The following KIF3B variants were observed in gnomAD, a reference collection of about 807,000 sequenced individuals.
The protein encoded by KIF3B is kinesin-like protein KIF3B.
In KIF3B, 38 loss-of-function variants were observed where a neutral mutation model predicts 74.3. The ratio of observed to expected loss-of-function variants is 0.51; its 90% CI spans 0.39 to 0.67. KIF3B has a LOEUF of 0.67. Ranked by LOEUF, KIF3B falls within the 30% of genes least tolerant of loss-of-function variation. The probability of loss-of-function intolerance (pLI) is 0.00; values close to 1 mark genes in which losing one functional copy is unlikely to be tolerated. For missense variants in KIF3B, 649 were observed against 932.0 expected (o/e 0.70, Z 3.95); for synonymous variants, 326 against 342.5 (o/e 0.95, Z 0.53).
At chr20:32,292,702 A>G (rs2047698767) in intron 1 of KIF3B, among the ~76,000 whole-genome samples, 1 of 152,058 alleles carries the variant, frequency 6.6e-6, no homozygotes, top group African/African-American at 2.4e-5. Flanking sequence ...GGCTGCAGTA[A>G]GCTGAGATTC....
intron 1 of KIF3B, among the ~76,000 whole-genome samples, chr20:32,301,509 T>C (rs2047744010): frequency 6.6e-6 from 1 of 152,114 alleles, no homozygotes; most frequent in Non-Finnish European, 1.5e-5. Flanking sequence ...CCCGAGTAGC[T>C]GGGATTACAG....
chr20:32,285,099 C>T (rs75986864), intron 1 of KIF3B, among the ~76,000 whole-genome samples: 1 of 102,490 alleles, frequency 9.8e-6, no homozygotes, highest in African/African-American at 3.9e-5. Context: ...AAATGATGAC[C>T]AAAAAAAAAA....
intron 1 of KIF3B, among the ~76,000 whole-genome samples, chr20:32,306,581 CTTTTTTTTTTTT>C (rs935086574): frequency 0.019 from 1,590 of 82,972 alleles, 39 homozygotes; most frequent in African/African-American, 0.072. Flanking sequence ...AGTTTTTCCT[CTTTTTTTTTTTT>C]TTTTTTTTTT....
At chr20:32,280,164 A>G (rs980037400) in intron 1 of KIF3B, among the ~76,000 whole-genome samples, 1 of 152,136 alleles carries the variant, frequency 6.6e-6, no homozygotes, top group Admixed American at 6.6e-5. Flanking sequence ...ATTTATTTGA[A>G]CTTAATATAT....
At chr20:32,322,748 A>ATATATATT (rs1298230195) in intron 5 of KIF3B, among the ~76,000 whole-genome samples, 1 of 32,446 alleles carries the variant, frequency 3.1e-5, no homozygotes, top group African/African-American at 1.9e-4. Flanking sequence ...ATATTTATTT[A>ATATATATT]TATATATATT....
At chr20:32,308,490 A>G (rs918195670) in intron 1 of KIF3B, among the ~76,000 whole-genome samples, 3 of 152,108 alleles carry the variant, frequency 2.0e-5, no homozygotes, top group African/African-American at 7.2e-5. Flanking sequence ...GGCTCTCTGC[A>G]ACTTCTGCCT....
chr20:32,286,586 T>G (rs948629624), intron 1 of KIF3B, among the ~76,000 whole-genome samples: 4 of 152,176 alleles, frequency 2.6e-5, no homozygotes, highest in African/African-American at 9.7e-5. Context: ...TTTTTCCGAT[T>G]ATAAAAATAA....
intron 5 of KIF3B, among the ~76,000 whole-genome samples, chr20:32,319,746 C>T (rs759700147): frequency 8.6e-5 from 13 of 150,712 alleles, no homozygotes; most frequent in Non-Finnish European, 1.5e-4. Context: ...CCACCATGCC[C>T]GGCTGATTTT....
intron 5 of KIF3B, among the ~76,000 whole-genome samples, chr20:32,319,553 T>C (rs1363802642): frequency 6.8e-6 from 1 of 147,950 alleles, no homozygotes; most frequent in Admixed American, 6.8e-5. Context: ...CATATGTGTA[T>C]ATATATAGTT....
At position 32,333,821 on chromosome 20, in the gene KIF3B, G is replaced by A. The variant is rs2047942893; in HGVS notation, c.*2502G>A. On this transcript the variant is annotated 3_prime_UTR_variant, in exon 9 of 9. Coordinates refer to ENST00000375712, the MANE Select transcript of KIF3B (RefSeq NM_004798.4). The stretch of plus-strand genomic sequence containing the variant: ...TTGTACTCAGCTGTGTTCATGTGGT[G>A]GTCTGTGGAAAGAAAAGAAGACTCA... The A allele has an allele frequency of 6.6e-6, 1 of 152,302 alleles. No homozygotes were observed. Among genetic ancestry groups the A allele is most frequent in the Non-Finnish European group, 1.5e-5 (1 of 67,992 alleles). The allele number at this position is 152,302 out of a possible 1,614,324, so 9.4% of individuals were successfully genotyped here.
Position 32,310,234 on chromosome 20 carries a change from C to G in KIF3B, c.457C>G (p.Arg153Gly), listed in dbSNP as rs1286606305. ...SYLEIYQEEI[R>G]DLLSKDQTKR... ...CTTAGAGATCTACCAGGAGGAGATC[C>G]GAGATTTGCTCTCAAAGGATCAGAC... The change falls in exon 2 of 9, where the codon CGA becomes GGA. Residue 153 changes from arginine to glycine, a missense_variant. By Grantham distance (125) the Arg-to-Gly change is moderately radical. Around this residue, in one of 4 missense-constraint regions of KIF3B, gnomAD observed 363 missense variants for 592.8 expected, o/e 0.61. Transcript: ENST00000375712. This position sits in a 1 kb window ranked among gnomAD's most constrained non-coding sequence, Gnocchi z 6.5. The G allele has an allele frequency of 3.1e-6, 5 of 1,613,866 alleles. No homozygotes were observed. Among genetic ancestry groups the G allele is most frequent in the Non-Finnish European group, 4.2e-6 (5 of 1,179,924 alleles).
At chr20:32,280,679 C>T (rs1283611784) in intron 1 of KIF3B, among the ~76,000 whole-genome samples, 1 of 129,650 alleles carries the variant, frequency 7.7e-6, no homozygotes, top group Non-Finnish European at 1.5e-5. Context: ...TGCGCCACTG[C>T]ACTCCAGCCT....
Position 32,327,645 on chromosome 20 carries a change from C to G in KIF3B, c.1952C>G (p.Pro651Arg). 6.2e-7 allele frequency: 1 copy of G among 1,612,976 alleles called. No individual in the cohort carries two copies. The highest frequency in any genetic ancestry group is 1.1e-5 in the South Asian group (1 of 91,066). ...QHARMSMMIRPEARYRAENIV... is the reference protein window; with the variant it reads ...QHARMSMMIRREARYRAENIV... ...GCAAGAATGTCCATGATGATTCGTC[C>G]AGAGGCCCGATATAGGGTGAGAAGA... The change falls in exon 7 of 9, where the codon CCA becomes CGA. Residue 651 changes from proline to arginine, a missense_variant. Physicochemically the swap from Pro to Arg is moderately radical, Grantham distance 103. Transcript: ENST00000375712.
intron 1 of KIF3B, among the ~76,000 whole-genome samples, chr20:32,300,942 T>G (rs2047740740): frequency 6.6e-6 from 1 of 152,078 alleles, no homozygotes; most frequent in African/African-American, 2.4e-5. Flanking sequence ...CATGGCTCAC[T>G]GTAGCCTTGA....
intron 5 of KIF3B, among the ~76,000 whole-genome samples, chr20:32,323,565 G>GA (rs2047887628): frequency 6.6e-6 from 1 of 151,562 alleles, no homozygotes; most frequent in African/African-American, 2.4e-5. Flanking sequence ...ACCACGCCCA[G>GA]CCAATTCTTT....
chr20:32,311,775 G>C (rs2047801583), intron 2 of KIF3B, among the ~76,000 whole-genome samples: 1 of 150,318 alleles, frequency 6.7e-6, no homozygotes, highest in Non-Finnish European at 1.5e-5. Context: ...CCCACCCAGT[G>C]TAAGAAATAG....
At chr20:32,316,459 C>A in intron 3 of KIF3B, 68 bp from the exon 4 acceptor site, 1 of 1,603,222 alleles carries the variant, frequency 6.2e-7, no homozygotes, top group Admixed American at 1.7e-5. Flanking sequence ...GACTCTGATC[C>A]TAGCTTGGGG....
intron 1 of KIF3B, among the ~76,000 whole-genome samples, chr20:32,283,443 G>A (rs956670980): frequency 6.6e-6 from 1 of 151,874 alleles, no homozygotes; most frequent in Non-Finnish European, 1.5e-5. Context: ...GGTGGTGGTT[G>A]CAGTGAGCTG....
rs147188002 is a variant in KIF3B, at chr20:32,299,967, G to T, written c.-65-9746G>T. 1.3e-4 allele frequency among the ~76,000 whole-genome samples: 19 copies of T among 151,736 alleles called. No individual in the cohort carries two copies. In the East Asian group the frequency reaches 3.7e-3, roughly 30 times the overall value. The stretch of plus-strand genomic sequence containing the variant: ...CACGCCTGGCTAATTTTTAAAGATG[G>T]GGTCTCCTTCTGTTCCCAGGCTGGT... On this transcript the variant is annotated intron_variant, in intron 1 of 8. Coordinates refer to ENST00000375712, the MANE Select transcript of KIF3B (RefSeq NM_004798.4).
Sources: gnomAD v4.1 joint callset for allele counts (sites outside exome capture counted in the v4.1 genomes callset) on GRCh38, gnomAD v4.1.1 for gene constraint, gnomAD v4.1.1 regional missense constraint, Gnocchi (gnomAD v3.1) non-coding constraint, MANE v1.5 for transcripts, NCBI Gene and HGNC (gene_info 2026-07-23, HGNC 2026-07-21) for gene names.